SLC2A13: variants seen among roughly 807,000 people sequenced by gnomAD.
SLC2A13 encodes the protein proton myo-inositol cotransporter.
Under a neutral mutation model 64.4 loss-of-function variants are expected in SLC2A13, and 32 were observed. The observed-to-expected ratio is 0.50, with a 90% CI of 0.37 to 0.67. The LOEUF (loss-of-function observed/expected upper bound fraction) is 0.67. Ranked by LOEUF, SLC2A13 falls within the 30% of genes least tolerant of loss-of-function variation. The pLI, the probability that SLC2A13 is intolerant of heterozygous loss-of-function variation, is 0.00. For missense variants in SLC2A13, 743 were observed against 829.2 expected, an observed-to-expected ratio of 0.90 and a Z score of 1.28; for synonymous variants, 338 against 327.1, an observed-to-expected ratio of 1.03 and a Z score of -0.36.
chr12:39,841,993 T>A (rs951144066), intron 6 of SLC2A13, among the ~76,000 whole-genome samples: 3 of 152,098 alleles, frequency 2.0e-5, no homozygotes, highest in Non-Finnish European at 4.4e-5. Flanking sequence ...CTCATTTAAT[T>A]CTTACATTGG....
At chr12:39,866,599 C>T (rs11174050) in intron 5 of SLC2A13, among the ~76,000 whole-genome samples, 4,774 of 152,078 alleles carry the variant, frequency 0.031, 235 homozygotes, top group African/African-American at 0.11. Flanking sequence ...CCTGCCTCAG[C>T]CTCTGGAGTA....
Position 39,963,555 on chromosome 12 carries a change from A to T in SLC2A13, c.926-12190T>A, listed in dbSNP as rs570676558. Among the ~76,000 whole-genome samples the T allele has an allele frequency of 2.7e-3, 413 of 152,316 alleles. 2 individuals carry two copies. Among genetic ancestry groups the T allele is most frequent in the African/African-American group, 9.3e-3 (387 of 41,580 alleles). ...GACAGTTCTATCAAGTTCAATCAAG[A>T]TATGTACTGCCAAACTATTCTTACA... is the stretch of plus-strand genomic sequence containing the variant. On this transcript the variant is annotated intron_variant, in intron 3 of 9. Coordinates refer to ENST00000280871, the MANE Select transcript of SLC2A13 (RefSeq NM_052885.4).
At chr12:39,979,464 A>G (rs1310027864) in intron 3 of SLC2A13, among the ~76,000 whole-genome samples, 2 of 146,638 alleles carry the variant, frequency 1.4e-5, no homozygotes, top group Non-Finnish European at 3.0e-5. Context: ...TAACCAATAC[A>G]GAGAAGTGCT....
chr12:39,998,139 G>A (rs558776387), intron 3 of SLC2A13, among the ~76,000 whole-genome samples: 4 of 152,272 alleles, frequency 2.6e-5, no homozygotes, highest in South Asian at 2.1e-4. Context: ...ATCAATCAGC[G>A]AGTGGATAAA....
chr12:39,919,871 A>G (rs906857469), intron 4 of SLC2A13, among the ~76,000 whole-genome samples: 3 of 152,142 alleles, frequency 2.0e-5, no homozygotes, highest in Non-Finnish European at 2.9e-5. Context: ...ATAGGCTGAC[A>G]GTGCTTACCT....
chr12:39,825,400 T>C (rs1032989062), intron 7 of SLC2A13, among the ~76,000 whole-genome samples: 1 of 152,174 alleles, frequency 6.6e-6, no homozygotes. Flanking sequence ...AAAATGTGTG[T>C]CTTTCCACTA....
intron 4 of SLC2A13, among the ~76,000 whole-genome samples, chr12:39,872,578 C>T (rs1407806006): frequency 1.3e-5 from 2 of 152,188 alleles, no homozygotes; most frequent in East Asian, 3.9e-4. Context: ...TGATTAAGCT[C>T]TGTAGACTCA....
At chr12:39,864,407 A>G (rs1254690441) in intron 6 of SLC2A13, among the ~76,000 whole-genome samples, 1 of 152,218 alleles carries the variant, frequency 6.6e-6, no homozygotes, top group Non-Finnish European at 1.5e-5. Context: ...TACTGATTAA[A>G]GTTATTTACT....
intron 3 of SLC2A13, among the ~76,000 whole-genome samples, chr12:39,983,084 C>G (rs947325532): frequency 2.0e-5 from 3 of 151,136 alleles, no homozygotes; most frequent in African/African-American, 7.3e-5. Context: ...GGGAAAGGAT[C>G]CCCTATTTAA....
chr12:40,036,951 A>G (rs1176972312), intron 2 of SLC2A13, among the ~76,000 whole-genome samples: 1 of 152,162 alleles, frequency 6.6e-6, no homozygotes, highest in Non-Finnish European at 1.5e-5. Context: ...TTTATCATAA[A>G]TGAATGTTAT....
At chr12:39,914,372 A>G (rs1483683543) in intron 4 of SLC2A13, among the ~76,000 whole-genome samples, 1 of 152,082 alleles carries the variant, frequency 6.6e-6, no homozygotes, top group Non-Finnish European at 1.5e-5. Flanking sequence ...AAACCCAGTA[A>G]AACATGAGAC....
intron 3 of SLC2A13, among the ~76,000 whole-genome samples, chr12:40,016,782 T>G (rs946134818): frequency 1.3e-5 from 2 of 152,172 alleles, no homozygotes; most frequent in African/African-American, 4.8e-5. Context: ...ATAAATCACA[T>G]GAGATTTTAT....
intron 1 of SLC2A13, among the ~76,000 whole-genome samples, chr12:40,075,774 G>T (rs867398356): frequency 1.3e-5 from 2 of 151,886 alleles, no homozygotes; most frequent in African/African-American, 2.4e-5. Flanking sequence ...CTTAAGAGTT[G>T]GTTCATTTTT....
chr12:40,043,272 AT>A (rs1367644040), intron 2 of SLC2A13, among the ~76,000 whole-genome samples: 1 of 152,124 alleles, frequency 6.6e-6, no homozygotes, highest in Non-Finnish European at 1.5e-5. Flanking sequence ...AAAAAAGGAT[AT>A]TTTTTGTTTG....
At chr12:39,831,457 G>T (rs185882814) in intron 6 of SLC2A13, among the ~76,000 whole-genome samples, 1 of 152,204 alleles carries the variant, frequency 6.6e-6, no homozygotes, top group Admixed American at 6.5e-5. Context: ...ATCTGAAAAA[G>T]ACATCCAAAA....
At position 39,764,866 on chromosome 12, in the gene SLC2A13, A is replaced by G; in HGVS notation, c.1446-8T>C. The G allele has an allele frequency of 6.2e-7, 1 of 1,610,208 alleles. No homozygotes were observed. The highest frequency in any genetic ancestry group is 8.5e-7 in the Non-Finnish European group (1 of 1,177,984). On this transcript the variant is annotated splice_polypyrimidine_tract_variant and splice_region_variant and intron_variant, in intron 7 of 9. Transcript: ENST00000280871. The stretch of plus-strand genomic sequence containing the variant: ...TTGGTTTCATTTTCACACCTGAAAA[A>G]TAATGCAATATAAGTATTAACTTAA...
At chr12:39,937,443 A>C (rs1460284766) in intron 4 of SLC2A13, among the ~76,000 whole-genome samples, 1 of 152,162 alleles carries the variant, frequency 6.6e-6, no homozygotes, top group East Asian at 1.9e-4. Context: ...CTTCAAACTC[A>C]GATATATTGG....
At chr12:40,037,190 T>G (rs1416339269) in intron 2 of SLC2A13, among the ~76,000 whole-genome samples, 1 of 152,214 alleles carries the variant, frequency 6.6e-6, no homozygotes, top group Non-Finnish European at 1.5e-5. Flanking sequence ...AAATTTACTT[T>G]TCTTGTAACA....
intron 3 of SLC2A13, among the ~76,000 whole-genome samples, chr12:39,977,507 C>A (rs1173584552): frequency 1.3e-5 from 2 of 152,218 alleles, no homozygotes; most frequent in Non-Finnish European, 2.9e-5. Flanking sequence ...CTCATTACAT[C>A]AAGAACGGTT....
Sources: allele counts gnomAD v4.1 joint callset (sites outside exome capture counted in the v4.1 genomes callset), GRCh38; gene constraint gnomAD v4.1.1; transcripts MANE v1.5; gene names NCBI Gene and HGNC (gene_info 2026-07-23, HGNC 2026-07-21).